GCA: variants seen among roughly 807,000 people sequenced by gnomAD.
The protein encoded by GCA is grancalcin, EF-hand calcium-binding protein.
Under a neutral mutation model 32.6 loss-of-function variants are expected in GCA, and 30 were observed. The observed-to-expected ratio is 0.92, with a 90% CI of 0.69 to 1.25. The LOEUF is 1.25. Ranked by LOEUF, GCA falls within the 50% of genes most tolerant of loss-of-function variation. The pLI, the probability that GCA is intolerant of heterozygous loss-of-function variation, is 0.00. For synonymous variants in GCA, 102 were observed against 84.6 expected, an observed-to-expected ratio of 1.21 and a Z score of -1.13; for missense variants, 291 against 266.8, an observed-to-expected ratio of 1.09 and a Z score of -0.63.
intron 2 of GCA, among the ~76,000 whole-genome samples, chr2:162,350,595 A>G (rs1171841603): frequency 6.6e-6 from 1 of 152,204 alleles, no homozygotes; most frequent in Non-Finnish European, 1.5e-5. Flanking sequence ...TATATAATAC[A>G]TTCATCATAT....
At chr2:162,350,533 A>G (rs1367864093) in intron 2 of GCA, among the ~76,000 whole-genome samples, 1 of 152,184 alleles carries the variant, frequency 6.6e-6, no homozygotes, top group Non-Finnish European at 1.5e-5. Flanking sequence ...AAAGGATTAT[A>G]CTGGGAATAA....
At position 162,359,476 on chromosome 2, in the gene GCA, TA is replaced by T; in HGVS notation, c.569-16del. On this transcript the variant is annotated splice_polypyrimidine_tract_variant and intron_variant, in intron 6 of 7. Transcript: ENST00000437150. ...TGTATTTTAAATTACAATAAAAAAG[TA>T]ATTTCTTTGTTTAAAGATTTCTTTA... The T allele has an allele frequency of 7.7e-7, 1 of 1,301,682 alleles. No homozygotes were observed. Among genetic ancestry groups the T allele is most frequent in the Non-Finnish European group, 1.1e-6 (1 of 915,664 alleles). The allele number at this position is 1,301,682 out of a possible 1,614,324, so 80.6% of individuals were successfully genotyped here.
chr2:162,353,933 A>C (rs185251997), intron 3 of GCA, among the ~76,000 whole-genome samples: 10 of 151,710 alleles, frequency 6.6e-5, no homozygotes, highest in Admixed American at 5.9e-4. Context: ...AATTTTCCTC[A>C]ACTTTATTTC....
At chr2:162,352,870 C>G (rs1443264366) in intron 3 of GCA, among the ~76,000 whole-genome samples, 1 of 152,002 alleles carries the variant, frequency 6.6e-6, no homozygotes, top group Non-Finnish European at 1.5e-5. Flanking sequence ...TAGTCTTTAC[C>G]TTATTTTTAC....
chr2:162,358,300 T>C (rs1685387826), intron 5 of GCA, among the ~76,000 whole-genome samples: 2 of 151,540 alleles, frequency 1.3e-5, no homozygotes, highest in Non-Finnish European at 3.0e-5. Flanking sequence ...TCGTTTTAAA[T>C]TTTAGATTTT....
chr2:162,372,114 A>G (rs200422210), downstream of GCA: 25 of 1,586,180 alleles, frequency 1.6e-5, no homozygotes, highest in Non-Finnish European at 1.9e-5. Flanking sequence ...AAAAGAACAA[A>G]ACAAGTTTTT....
rs1684554496 is a variant in GCA at position 162,344,185 on chromosome 2, C to T, written c.-64C>T. Reference sequence around the variant, plus strand: ...GCGCCTCCTTGCACCTGCGCCTGTGCTTTTTCTCCCAGCACTGCGGACGCG... The same window carrying T: ...GCGCCTCCTTGCACCTGCGCCTGTGTTTTTTCTCCCAGCACTGCGGACGCG... On this transcript the variant is annotated 5_prime_UTR_variant, in exon 1 of 8. Coordinates refer to ENST00000437150, the MANE Select transcript of GCA (RefSeq NM_012198.5). The T allele has an allele frequency of 6.3e-7, 1 of 1,594,484 alleles. No individual in the cohort carries two copies.
intron 1 of GCA, among the ~76,000 whole-genome samples, chr2:162,345,461 C>G (rs1011423542): frequency 5.3e-5 from 8 of 152,126 alleles, no homozygotes; most frequent in Admixed American, 4.6e-4. Flanking sequence ...TTGGTATGCT[C>G]TGAATTCATA....
rs372877353 is a variant in GCA, at chr2:162,323,549, G to T, written c.-31+4324G>T. ...GGGTTTTTATGGTTTTAGGTCTAAC[G>T]TTTAAGTCTTTAATCCATCTTGAAT... On this transcript the variant is annotated intron_variant, in intron 1 of 4. Coordinates refer to the GCA transcript ENST00000429691. 1.4e-3 allele frequency among the ~76,000 whole-genome samples: 215 copies of T among 151,926 alleles called. 1 individual carries two copies. The highest frequency in any genetic ancestry group is 3.5e-3 in the South Asian group (17 of 4,816).
chr2:162,338,774 A>T (rs1207636411), intron 1 of GCA, among the ~76,000 whole-genome samples: 1 of 152,206 alleles, frequency 6.6e-6, no homozygotes, highest in African/African-American at 2.4e-5. Context: ...TGCTGTTCTT[A>T]TTCAGCATTA....
At chr2:162,330,403 G>A (rs1684034698) in intron 1 of GCA, among the ~76,000 whole-genome samples, 2 of 152,192 alleles carry the variant, frequency 1.3e-5, no homozygotes, top group Non-Finnish European at 2.9e-5. Context: ...CGCTGCAGTA[G>A]GTCAAACCAT....
At chr2:162,348,884 T>C (rs1684844908) in intron 2 of GCA, among the ~76,000 whole-genome samples, 1 of 152,092 alleles carries the variant, frequency 6.6e-6, no homozygotes, top group Non-Finnish European at 1.5e-5. Context: ...ATTGAGTAAA[T>C]ATTCAAGATC....
At chr2:162,374,410 A>G (rs1686086652), downstream of GCA, among the ~76,000 whole-genome samples, 1 of 152,162 alleles carries the variant, frequency 6.6e-6, no homozygotes, top group Non-Finnish European at 1.5e-5. Flanking sequence ...AGCAAAATAT[A>G]ATTGGTCAGA....
chr2:162,342,779 T>G (rs367993617), upstream of GCA, among the ~76,000 whole-genome samples: 73 of 152,350 alleles, frequency 4.8e-4, 2 homozygotes, highest in South Asian at 0.014. Flanking sequence ...TCCTAAGCAG[T>G]TCTTTGAATA....
intron 3 of GCA, among the ~76,000 whole-genome samples, chr2:162,353,697 T>A (rs1048668631): frequency 6.6e-6 from 1 of 152,328 alleles, no homozygotes; most frequent in African/African-American, 2.4e-5. Context: ...TCTGGAAACT[T>A]GTGAGATCTT....
At chr2:162,341,270 TATATATA>T (rs1558890188), upstream of GCA, among the ~76,000 whole-genome samples, 46 of 80,914 alleles carry the variant, frequency 5.7e-4, no homozygotes, top group African/African-American at 3.1e-3. Context: ...ATTTATTTTA[TATATATA>T]TATATATATA....
downstream of GCA, among the ~76,000 whole-genome samples, chr2:162,374,188 T>G (rs1195695642): frequency 1.3e-5 from 2 of 152,234 alleles, no homozygotes; most frequent in Admixed American, 6.5e-5. Flanking sequence ...TATTCTTTCT[T>G]TAATGTTTAA....
At chr2:162,351,725 A>G (rs1043423929) in intron 2 of GCA, among the ~76,000 whole-genome samples, 1 of 152,242 alleles carries the variant, frequency 6.6e-6, no homozygotes, top group African/African-American at 2.4e-5. Flanking sequence ...ATTTTTGTCA[A>G]AAACAGGATG....
At chr2:162,365,110 A>C (rs1021701402), downstream of GCA, among the ~76,000 whole-genome samples, 13 of 151,624 alleles carry the variant, frequency 8.6e-5, no homozygotes, top group Non-Finnish European at 1.6e-4. Context: ...TGTTGGAAAA[A>C]GTTGGCTTCT....
Sources: allele counts gnomAD v4.1 joint callset (sites outside exome capture counted in the v4.1 genomes callset), GRCh38; gene constraint gnomAD v4.1.1; transcripts MANE v1.5; gene names NCBI Gene and HGNC (gene_info 2026-07-23, HGNC 2026-07-21).